The following RSRC1 variants were observed in gnomAD, a reference collection of about 807,000 sequenced individuals.
RSRC1 encodes the protein serine/Arginine-related protein 53.
RSRC1 carries 39 observed loss-of-function variants against 49.1 expected under a neutral mutation model. The ratio of observed to expected loss-of-function variants is 0.79; its 90% CI spans 0.61 to 1.04. RSRC1 has a LOEUF of 1.04. Ranked by LOEUF, RSRC1 falls within the 50% of genes least tolerant of loss-of-function variation. The pLI, the probability that RSRC1 is intolerant of heterozygous loss-of-function variation, is 0.00. For synonymous variants in RSRC1, 143 were observed against 130.8 expected (o/e 1.09, Z -0.63); for missense variants, 388 against 402.4 (o/e 0.96, Z 0.31).
At chr3:158,437,955 A>G (rs1023373801) in intron 6 of RSRC1, among the ~76,000 whole-genome samples, 1 of 152,134 alleles carries the variant, frequency 6.6e-6, no homozygotes, top group Admixed American at 6.6e-5. Context: ...CAGCTGATAA[A>G]CAACTTCAGC....
At chr3:158,325,712 G>A (rs1578339386) in intron 5 of RSRC1, among the ~76,000 whole-genome samples, 2 of 152,264 alleles carry the variant, frequency 1.3e-5, no homozygotes, top group South Asian at 4.1e-4. Flanking sequence ...GGCAATGCGG[G>A]CTCTTTTTTG....
At chr3:158,525,896 T>G (rs749167275) in intron 7 of RSRC1, among the ~76,000 whole-genome samples, 2 of 151,864 alleles carry the variant, frequency 1.3e-5, no homozygotes, top group African/African-American at 4.8e-5. Context: ...AGATAGAAAT[T>G]GACTACAGAG....
intron 4 of RSRC1, among the ~76,000 whole-genome samples, chr3:158,272,190 T>C (rs1213048): frequency 0.48 from 72,354 of 151,910 alleles, 17,797 homozygotes; most frequent in East Asian, 0.64. Flanking sequence ...ATTTTTTCCC[T>C]GCACAACTTT....
intron 7 of RSRC1, among the ~76,000 whole-genome samples, chr3:158,516,003 A>C (rs2108482028): frequency 6.6e-6 from 1 of 151,550 alleles, no homozygotes; most frequent in Middle Eastern, 3.4e-3. Context: ...CATTCTTCTA[A>C]ATTTTTTTCA....
chr3:158,505,717 A>G (rs576246295), intron 7 of RSRC1, among the ~76,000 whole-genome samples: 30 of 151,082 alleles, frequency 2.0e-4, no homozygotes, highest in Non-Finnish European at 3.7e-4. Flanking sequence ...ACATAGGTTC[A>G]AGGAAGAAAG....
chr3:158,309,129 C>A (rs772693469), intron 5 of RSRC1, among the ~76,000 whole-genome samples: 9 of 151,804 alleles, frequency 5.9e-5, no homozygotes, highest in Non-Finnish European at 1.3e-4. Context: ...ATGCACTGCT[C>A]CCAAAATAAC....
chr3:158,512,878 T>C (rs1197803952), intron 7 of RSRC1, among the ~76,000 whole-genome samples: 2 of 149,620 alleles, frequency 1.3e-5, no homozygotes, highest in African/African-American at 4.9e-5. Context: ...TTTGAAGCAA[T>C]TGTGAATGGG....
At chr3:158,198,310 C>A (rs1578188565) in intron 3 of RSRC1, among the ~76,000 whole-genome samples, 1 of 152,224 alleles carries the variant, frequency 6.6e-6, no homozygotes, top group East Asian at 1.9e-4. Flanking sequence ...ACTAGGATTG[C>A]AACCCCTGCC....
intron 5 of RSRC1, among the ~76,000 whole-genome samples, chr3:158,350,740 T>C (rs1242068195): frequency 6.6e-6 from 1 of 152,236 alleles, no homozygotes; most frequent in Non-Finnish European, 1.5e-5. Context: ...CTATATTCTT[T>C]GCGTCTGTAT....
At chr3:158,280,168 G>A (rs1188887841) in intron 4 of RSRC1, among the ~76,000 whole-genome samples, 1 of 152,042 alleles carries the variant, frequency 6.6e-6, no homozygotes, top group Non-Finnish European at 1.5e-5. Context: ...AAAGCTCACC[G>A]AATTTGGAAT....
chr3:158,541,227 T>G (rs1713014417), intron 8 of RSRC1, among the ~76,000 whole-genome samples: 1 of 152,154 alleles, frequency 6.6e-6, no homozygotes, highest in Non-Finnish European at 1.5e-5. Context: ...TGGCTCCTTC[T>G]AAGTCTTCAG....
At position 158,460,838 on chromosome 3, in the gene RSRC1, G is replaced by A; in HGVS notation, c.584-97G>A. The A allele has an allele frequency of 6.3e-6, 4 of 631,586 alleles. 1 individual carries two copies. The highest frequency in any genetic ancestry group is 5.6e-5 in the African/African-American group (3 of 53,150). 39.1% of individuals were successfully genotyped at this position (631,586 alleles called of 1,614,324 possible). ...TGTTTCTTTCTTGTGATTACTTCGT[G>A]GAAAATAAGTAATGAATTTCTAGTC... On this transcript the variant is annotated intron_variant, in intron 6 of 9. Transcript: ENST00000611884.
At chr3:158,176,222 C>G (rs895791662) in intron 3 of RSRC1, among the ~76,000 whole-genome samples, 4 of 152,174 alleles carry the variant, frequency 2.6e-5, no homozygotes, top group Non-Finnish European at 5.9e-5. Context: ...AATGGCCATA[C>G]TGCCCAAGGT....
intron 4 of RSRC1, among the ~76,000 whole-genome samples, chr3:158,281,074 A>G (rs1274298828): frequency 1.3e-5 from 2 of 151,744 alleles, no homozygotes; most frequent in African/African-American, 4.8e-5. Flanking sequence ...GGTCATGGCA[A>G]TTGAATTAGG....
At chr3:158,124,819 TC>T (rs1715513004) in intron 3 of RSRC1, among the ~76,000 whole-genome samples, 2 of 117,082 alleles carry the variant, frequency 1.7e-5, no homozygotes, top group African/African-American at 3.6e-5. Context: ...TTTCTTTCTT[TC>T]TTTTTTTTTT....
At chr3:158,350,933 A>T (rs1384421692) in intron 5 of RSRC1, among the ~76,000 whole-genome samples, 2 of 152,190 alleles carry the variant, frequency 1.3e-5, no homozygotes, top group Non-Finnish European at 2.9e-5. Context: ...AGCTAGTGTG[A>T]TGATAGGTAA....
chr3:158,544,411 C>A lies in RSRC1; in HGVS notation c.*136C>A. ...AAAGGTAGTCTCATTTCATTTGTCTCTCATGTAGGCTTGAATATTTGTTAA... is the reference window on the plus strand; with the variant it reads ...AAAGGTAGTCTCATTTCATTTGTCTATCATGTAGGCTTGAATATTTGTTAA... On this transcript the variant is annotated 3_prime_UTR_variant, in exon 10 of 10. Coordinates refer to ENST00000611884, the MANE Select transcript of RSRC1 (RefSeq NM_001271838.2). 2.1e-6 allele frequency: 1 copy of A among 471,706 alleles called. No individual in the cohort carries two copies. The highest frequency in any genetic ancestry group is 3.8e-5 in the Admixed American group (1 of 26,266). The allele number at this position is 471,706 out of a possible 1,614,324, so 29.2% of individuals were successfully genotyped here.
chr3:158,180,849 G>A (rs1719569418), intron 3 of RSRC1, among the ~76,000 whole-genome samples: 1 of 146,220 alleles, frequency 6.8e-6, no homozygotes, highest in South Asian at 2.2e-4. Context: ...CTGTCACCCG[G>A]GCTGGAGTGC....
chr3:158,490,522 A>T (rs1560063490), intron 7 of RSRC1, among the ~76,000 whole-genome samples: 1 of 152,234 alleles, frequency 6.6e-6, no homozygotes, highest in South Asian at 2.1e-4. Context: ...GTAAAGTATC[A>T]TTATTTTATT....
Sources: gnomAD v4.1 joint callset for allele counts (sites outside exome capture counted in the v4.1 genomes callset) on GRCh38, gnomAD v4.1.1 for gene constraint, MANE v1.5 for transcripts, NCBI Gene and HGNC (gene_info 2026-07-23, HGNC 2026-07-21) for gene names.